Variants in FAM162A observed in about 807,000 individuals in gnomAD.
The protein encoded by FAM162A is family with sequence similarity 162 member A.
Under a neutral mutation model 21.8 loss-of-function variants are expected in FAM162A, and 23 were observed. The observed-to-expected ratio is 1.05, with a 90% CI of 0.76 to 1.49. The LOEUF (loss-of-function observed/expected upper bound fraction) is 1.49, where lower values mean the gene tolerates loss of function less well. Ranked by LOEUF, FAM162A falls within the 40% of genes most tolerant of loss-of-function variation. FAM162A has a pLI of 0.00. For synonymous variants in FAM162A, 53 were observed against 61.3 expected (o/e 0.86, Z 0.64); for missense variants, 165 against 186.4 (o/e 0.89, Z 0.67).
chr3:122,406,093 C>G (rs1401534324), intron 3 of FAM162A, among the ~76,000 whole-genome samples: 1 of 152,186 alleles, frequency 6.6e-6, no homozygotes, highest in African/African-American at 2.4e-5. Context: ...GTACTCCCCT[C>G]CCCAATTTTA....
intron 1 of FAM162A, among the ~76,000 whole-genome samples, chr3:122,397,719 A>G (rs1283324530): frequency 6.6e-6 from 1 of 152,232 alleles, no homozygotes; most frequent in Non-Finnish European, 1.5e-5. Context: ...ATTTTAATTA[A>G]TTAAAATTAT....
At chr3:122,397,473 G>A (rs1412990466) in intron 1 of FAM162A, among the ~76,000 whole-genome samples, 1 of 152,144 alleles carries the variant, frequency 6.6e-6, no homozygotes, top group Non-Finnish European at 1.5e-5. Flanking sequence ...TTCCATTTCT[G>A]TCATCTAGAG....
At chr3:122,408,476 C>A (rs1304477129) in intron 4 of FAM162A, among the ~76,000 whole-genome samples, 2 of 152,152 alleles carry the variant, frequency 1.3e-5, no homozygotes, top group Non-Finnish European at 2.9e-5. Flanking sequence ...CTCAGTAATT[C>A]CAGAGTAAAA....
intron 1 of FAM162A, among the ~76,000 whole-genome samples, chr3:122,398,674 A>G (rs984383605): frequency 6.6e-6 from 1 of 152,238 alleles, no homozygotes; most frequent in Non-Finnish European, 1.5e-5. Context: ...CTCAGGAAGC[A>G]TCAGCCATAT....
At chr3:122,384,561 C>T (rs1399197503) in intron 1 of FAM162A, among the ~76,000 whole-genome samples, 1 of 152,128 alleles carries the variant, frequency 6.6e-6, no homozygotes, top group Non-Finnish European at 1.5e-5. Flanking sequence ...GCCTACCCTT[C>T]TCCCCACCCC....
intron 2 of FAM162A, 57 bp downstream of exon 2, chr3:122,402,939 T>G (rs2075659678): frequency 6.5e-7 from 1 of 1,536,710 alleles, no homozygotes; most frequent in Non-Finnish European, 8.7e-7. Flanking sequence ...GTAGGAAAAC[T>G]TGGAATCAAA....
At chr3:122,409,095 A>G (rs1470743490) in intron 4 of FAM162A, among the ~76,000 whole-genome samples, 1 of 149,576 alleles carries the variant, frequency 6.7e-6, no homozygotes, top group Non-Finnish European at 1.5e-5. Flanking sequence ...TTAGGGTGCT[A>G]GTTTCACTAT....
intron 3 of FAM162A, among the ~76,000 whole-genome samples, chr3:122,404,689 T>C (rs186248717): frequency 3.3e-5 from 5 of 152,322 alleles, no homozygotes; most frequent in Admixed American, 3.3e-4. Context: ...TTAAGTACCA[T>C]TGACAATGAC....
Position 122,402,826 on chromosome 3 carries a change from TG to T in FAM162A, c.102del (p.Lys35ArgfsTer3). The T allele has an allele frequency of 6.2e-7, 1 of 1,604,786 alleles. No individual in the cohort carries two copies. Among genetic ancestry groups the T allele is most frequent in the Non-Finnish European group, 8.5e-7 (1 of 1,175,904 alleles). On this transcript the variant is annotated frameshift_variant, in exon 2 of 5. Coordinates refer to ENST00000477892, the MANE Select transcript of FAM162A (RefSeq NM_014367.4). LOFTEE classifies it high-confidence loss of function. ...CTAAGGCTTACCAGAAGCTCTGATT[TG>T]AAGAGAATAAATGGATTTTGCACAA... is the stretch of plus-strand genomic sequence containing the variant. ...SSLRLTRSSD[L>X]KRINGFCTKP...
At chr3:122,387,590 T>C (rs1267901702) in intron 1 of FAM162A, among the ~76,000 whole-genome samples, 1 of 152,252 alleles carries the variant, frequency 6.6e-6, no homozygotes, top group Non-Finnish European at 1.5e-5. Context: ...TGCTACCTTA[T>C]TCTTTTTGTT....
At chr3:122,386,571 A>G (rs1016127795) in intron 1 of FAM162A, among the ~76,000 whole-genome samples, 27 of 96,374 alleles carry the variant, frequency 2.8e-4, no homozygotes, top group South Asian at 6.1e-4. Context: ...AAAAAAAAAA[A>G]AAAGAAAAGA....
rs184352013 is a variant in FAM162A at position 122,409,448 on chromosome 3, G to A, written c.373-291G>A. ...GTATAAAAGAGAAGTGGGGTGGAATGAGAAGAAAGTATAAGAGAAAAGGAG... is the reference window on the plus strand; with the variant it reads ...GTATAAAAGAGAAGTGGGGTGGAATAAGAAGAAAGTATAAGAGAAAAGGAG... On this transcript the variant is annotated intron_variant, in intron 4 of 4. Coordinates refer to ENST00000477892, the MANE Select transcript of FAM162A (RefSeq NM_014367.4). Among the ~76,000 whole-genome samples the A allele has an allele frequency of 3.9e-5, 6 of 152,268 alleles. No homozygotes were observed. The East Asian group carries it at 9.6e-4, about 24-fold the overall frequency.
chr3:122,407,442 A>C (rs769192134), intron 4 of FAM162A, 53 bp downstream of exon 4: 1 of 1,379,156 alleles, frequency 7.3e-7, no homozygotes, highest in Non-Finnish European at 1.0e-6. Flanking sequence ...CCAAGAACCT[A>C]GAGTAAATCA....
At chr3:122,388,974 G>A (rs548819560) in intron 1 of FAM162A, among the ~76,000 whole-genome samples, 1 of 151,992 alleles carries the variant, frequency 6.6e-6, no homozygotes, top group African/African-American at 2.4e-5. Context: ...GCGTGAAGCC[G>A]GGAGGCAGAG....
rs117016055 is a variant in FAM162A, at chr3:122,410,623, G to T, written c.*792G>T. ...GTCTCATATTTAGGTATGAATACAG[G>T]TTTCTATTTTAAACATTGATTCTCA... is the stretch of plus-strand genomic sequence containing the variant. On this transcript the variant is annotated 3_prime_UTR_variant, in exon 5 of 5. Transcript: ENST00000477892. The T allele has an allele frequency of 1.3e-5, 2 of 152,142 alleles. No homozygotes were observed. The highest frequency in any genetic ancestry group is 4.8e-5 in the African/African-American group (2 of 41,414). The allele number at this position is 152,142 out of a possible 1,614,324, so 9.4% of individuals were successfully genotyped here. A position where few individuals can be genotyped will look rare whatever the true frequency, so the allele number is the denominator to read the frequency against.
At chr3:122,387,496 G>C (rs146024310) in intron 1 of FAM162A, among the ~76,000 whole-genome samples, 57 of 152,280 alleles carry the variant, frequency 3.7e-4, no homozygotes, top group African/African-American at 1.3e-3. Flanking sequence ...AAGGGAATCA[G>C]CTTGCCAAGG....
At chr3:122,384,533 C>G (rs1284575742) in intron 1 of FAM162A, among the ~76,000 whole-genome samples, 1 of 152,140 alleles carries the variant, frequency 6.6e-6, no homozygotes, top group African/African-American at 2.4e-5. Context: ...CAGCTCCCAC[C>G]AACTTAACTG....
intron 1 of FAM162A, among the ~76,000 whole-genome samples, chr3:122,385,942 C>T (rs2107693932): frequency 6.6e-6 from 1 of 152,276 alleles, no homozygotes. Flanking sequence ...TTATTCCTCC[C>T]ACACTTTATA....
chr3:122,409,615 G>C (rs1318172254), intron 4 of FAM162A, 124 bp from the exon 5 acceptor site: 6 of 764,956 alleles, frequency 7.8e-6, no homozygotes, highest in South Asian at 1.6e-5. Flanking sequence ...GCCGTGCTCA[G>C]TGTGCAAGCA....
Sources: gnomAD v4.1 joint callset for allele counts (sites outside exome capture counted in the v4.1 genomes callset) on GRCh38, gnomAD v4.1.1 for gene constraint, MANE v1.5 for transcripts, NCBI Gene and HGNC (gene_info 2026-07-23, HGNC 2026-07-21) for gene names.